Variants in MFSD2B observed in about 807,000 individuals in gnomAD.
MFSD2B encodes sphingosine-1-phosphate transporter MFSD2B.
A neutral mutation model predicts 58.4 loss-of-function variants in MFSD2B; 56 were observed. That is an observed-to-expected ratio of 0.96 (90% CI 0.77 to 1.20). The LOEUF is 1.20. Ranked by LOEUF, MFSD2B falls within the 50% of genes most tolerant of loss-of-function variation. The pLI is 0.00. For missense variants in MFSD2B, 645 were observed against 667.6 expected (o/e 0.97, Z 0.37); for synonymous variants, 287 against 294.4 (o/e 0.97, Z 0.26).
Position 24,023,959 on chromosome 2 carries a change from A to C in MFSD2B, c.1314-136A>C. On this transcript the variant is annotated intron_variant, in intron 12 of 13. Transcript: ENST00000338315. This position sits in a 1 kb window ranked among gnomAD's most constrained non-coding sequence, Gnocchi z 5.0. ...TCCCAGGTCAGCCTGTCACCTTGAC[A>C]CTCCTCTCCTGATCTGACCAGGAAA... The C allele has an allele frequency of 1.0e-6, 1 of 991,146 alleles. No individual in the cohort carries two copies. The allele number at this position is 991,146 out of a possible 1,614,324, so 61.4% of individuals were successfully genotyped here. A position where few individuals can be genotyped will look rare whatever the true frequency, so the allele number is the denominator to read the frequency against.
chr2:24,023,695 T>G lies in MFSD2B; in HGVS notation c.1282T>G (p.Cys428Gly). The change falls in exon 12 of 14, where the codon TGT (cysteine) becomes GGT (glycine). Residue 428 changes from cysteine (C) to glycine (G), a missense_variant. By Grantham distance (159) the Cys-to-Gly change is radical (BLOSUM62 -3). Coordinates refer to ENST00000338315, the MANE Select transcript of MFSD2B (RefSeq NM_001346880.2). This position sits in a 1 kb window ranked among gnomAD's most constrained non-coding sequence, Gnocchi z 5.0. Reference protein sequence around the residue: ...YVFFTKLSGACALGISTLSLE... With the variant: ...YVFFTKLSGAGALGISTLSLE... ...CTTCTTCACCAAGCTGTCTGGCGCATGTGCCCTGGGCATCTCCACCCTCAG... is the reference window on the plus strand; with the variant it reads ...CTTCTTCACCAAGCTGTCTGGCGCAGGTGCCCTGGGCATCTCCACCCTCAG... 1.2e-6 allele frequency: 2 copies of G among 1,613,916 alleles called. No homozygotes were observed. The highest frequency in any genetic ancestry group is 1.7e-6 in the Non-Finnish European group (2 of 1,179,824).
chr2:24,020,644 C>T lies in MFSD2B; in HGVS notation c.682-1004C>T, dbSNP rs1485739442. 3.3e-5 allele frequency among the ~76,000 whole-genome samples: 5 copies of T among 152,194 alleles called. No homozygotes were observed. Among genetic ancestry groups the T allele is most frequent in the Non-Finnish European group, 4.4e-5 (3 of 68,028 alleles). On this transcript the variant is annotated intron_variant, in intron 6 of 13. Coordinates refer to ENST00000338315, the MANE Select transcript of MFSD2B (RefSeq NM_001346880.2). The surrounding 1 kb of genome is among the most constrained non-coding windows in gnomAD (Gnocchi z 4.1). ...GTGCAATCACAGCTCACAGCAACCT[C>T]GACCTCCCAGACTCAAGCGATTCTG...
chr2:24,015,616 C>A (rs986973483), intron 2 of MFSD2B, among the ~76,000 whole-genome samples: 1 of 152,166 alleles, frequency 6.6e-6, no homozygotes. Context: ...TGGGATGCTG[C>A]GATTTCAGAT....
In MFSD2B at chr2:24,023,065, T is replaced by C; in HGVS notation, c.1060-65T>C. ...GGCATGGGGGTCGTCAGTCGAGTCG[T>C]GTGTGAAGGAGCAGGCCCCACGAAG... On this transcript the variant is annotated intron_variant, in intron 10 of 13. Transcript: ENST00000338315. This position sits in a 1 kb window ranked among gnomAD's most constrained non-coding sequence, Gnocchi z 5.0. 1 of 1,425,946 alleles carries C rather than the reference T, an allele frequency of 7.0e-7. No individual in the cohort carries two copies. Among genetic ancestry groups the C allele is most frequent in the South Asian group, 1.1e-5 (1 of 87,074 alleles). 88.3% of individuals were successfully genotyped at this position (1,425,946 alleles called of 1,614,324 possible). A position where few individuals can be genotyped will look rare whatever the true frequency, so the allele number is the denominator to read the frequency against.
In MFSD2B at chr2:24,013,292, G is replaced by C. The variant is rs552297631; in HGVS notation, c.104G>C (p.Arg35Thr). The C allele has an allele frequency of 3.7e-6, 6 of 1,602,868 alleles. No individual in the cohort carries two copies. In the East Asian group the frequency reaches 1.1e-4, roughly 30 times the overall value. ...GSAKRGREDSRAGRLSFCTKV... is the reference protein window; with the variant it reads ...GSAKRGREDSTAGRLSFCTKV... ...TTCCTGTGTCTCCTCCAGGACAGCA[G>C]AGCCGGTCGCCTCTCATTCTGTACA... is the stretch of plus-strand genomic sequence containing the variant. The change falls in exon 2 of 14, where the codon AGA becomes ACA. Residue 35 changes from arginine to threonine, a missense_variant. Arg to Thr is a moderately conservative substitution (Grantham distance 71). Coordinates refer to ENST00000338315, the MANE Select transcript of MFSD2B (RefSeq NM_001346880.2).
At chr2:24,018,717 G>GA (rs550408376) in intron 6 of MFSD2B, 3,971 of 147,850 alleles carry the variant, frequency 0.027, 17 homozygotes, top group East Asian at 0.074. Flanking sequence ...TCCTTTTCTG[G>GA]AAAAAAAAAA....
Position 24,021,724 on chromosome 2 carries a change from T to C in MFSD2B, c.758T>C (p.Val253Ala). Residue 253 changes from valine (V) to alanine (A), a missense_variant, in exon 7 of 14, where the codon GTG becomes GCG. By Grantham distance (64) the Val-to-Ala change is moderately conservative. Transcript: ENST00000338315. The surrounding 1 kb of genome is among the most constrained non-coding windows in gnomAD (Gnocchi z 5.7). ...PVCISLLCLG[V>A]KERPDPSAPA... is the part of the protein sequence containing the mutation. Reference sequence around the variant, plus strand: ...TGCATCAGTTTACTGTGCCTAGGGGTGAAGGAGCGGCCAGGTATGGGGTTT... The same window carrying C: ...TGCATCAGTTTACTGTGCCTAGGGGCGAAGGAGCGGCCAGGTATGGGGTTT... The C allele has an allele frequency of 6.2e-7, 1 of 1,613,406 alleles. No homozygotes were observed. The highest frequency in any genetic ancestry group is 8.5e-7 in the Non-Finnish European group (1 of 1,179,652).
At chr2:24,019,491 G>A (rs1662676525) in intron 6 of MFSD2B, among the ~76,000 whole-genome samples, 1 of 152,124 alleles carries the variant, frequency 6.6e-6, no homozygotes, top group Non-Finnish European at 1.5e-5. Context: ...GAGGGGCCGA[G>A]GTGGGTGGAT....
Position 24,020,107 on chromosome 2 carries a change from G to C in MFSD2B, c.682-1541G>C, listed in dbSNP as rs532913082. 6.6e-6 allele frequency among the ~76,000 whole-genome samples: 1 copy of C among 152,310 alleles called. No homozygotes were observed. The highest frequency in any genetic ancestry group is 2.4e-5 in the African/African-American group (1 of 41,564). On this transcript the variant is annotated intron_variant, in intron 6 of 13. Coordinates refer to ENST00000338315, the MANE Select transcript of MFSD2B (RefSeq NM_001346880.2). This position sits in a 1 kb window ranked among gnomAD's most constrained non-coding sequence, Gnocchi z 4.1. Reference sequence around the variant, plus strand: ...CCTGGTGAGGGGGCCTGGGGTGGTGGAGGCTAGGTCACTTGGGGCCCTGAG... The same window carrying C: ...CCTGGTGAGGGGGCCTGGGGTGGTGCAGGCTAGGTCACTTGGGGCCCTGAG...
intron 2 of MFSD2B, among the ~76,000 whole-genome samples, chr2:24,013,838 CTTTTTTT>C (rs758336674): frequency 1.8e-5 from 2 of 110,624 alleles, no homozygotes; most frequent in East Asian, 2.5e-4. Context: ...CAAGACGATT[CTTTTTTT>C]TTTTTTTTTT....
In MFSD2B at chr2:24,017,898, G is replaced by T. The variant is rs1709218729; in HGVS notation, c.681+310G>T. ...TGGGGAAAGCCGCAGGACAGGCTAG[G>T]GGAGGGGGCAGCAGAGGGGTCTGCT... On this transcript the variant is annotated intron_variant, in intron 6 of 13. Transcript: ENST00000338315. This position sits in a 1 kb window ranked among gnomAD's most constrained non-coding sequence, Gnocchi z 4.8. Among the ~76,000 whole-genome samples the T allele has an allele frequency of 6.6e-6, 1 of 152,124 alleles. No homozygotes were observed. Among genetic ancestry groups the T allele is most frequent in the African/African-American group, 2.4e-5 (1 of 41,414 alleles).
rs939432279 is a variant in MFSD2B, at chr2:24,022,229, G to A, written c.895-204G>A. 3.3e-5 allele frequency among the ~76,000 whole-genome samples: 5 copies of A among 152,188 alleles called. No homozygotes were observed. In the South Asian group the frequency reaches 1.0e-3, roughly 31 times the overall value. ...GTGTAGTCAAGTCCACCTGATCACA[G>A]CTGAGCAGGTGATGAGGGTGGCCTA... On this transcript the variant is annotated intron_variant, in intron 8 of 13. Coordinates refer to ENST00000338315, the MANE Select transcript of MFSD2B (RefSeq NM_001346880.2). This position sits in a 1 kb window ranked among gnomAD's most constrained non-coding sequence, Gnocchi z 4.5.
At chr2:24,016,001 A>G (rs1305021937) in intron 2 of MFSD2B, among the ~76,000 whole-genome samples, 155 bp from the exon 3 acceptor site, 1 of 152,136 alleles carries the variant, frequency 6.6e-6, no homozygotes, top group Non-Finnish European at 1.5e-5. Flanking sequence ...CAGCCCCGGG[A>G]TCAGCATCCT....
intron 1 of MFSD2B, among the ~76,000 whole-genome samples, chr2:24,010,695 C>T (rs1437028569): frequency 1.3e-5 from 2 of 152,166 alleles, no homozygotes; most frequent in African/African-American, 2.4e-5. Context: ...GTGGGAGCGG[C>T]GGGGTCTTCG....
At chr2:24,014,335 G>T (rs991425647) in intron 2 of MFSD2B, among the ~76,000 whole-genome samples, 1 of 152,030 alleles carries the variant, frequency 6.6e-6, no homozygotes, top group African/African-American at 2.4e-5. Flanking sequence ...TGTGTTTTTA[G>T]TAGAGACGGG....
In MFSD2B at chr2:24,023,719, A is replaced by C. The variant is rs1245582552; in HGVS notation, c.1306A>C (p.Ser436Arg). 1 of 1,613,720 alleles carries C rather than the reference A, an allele frequency of 6.2e-7. No homozygotes were observed. The highest frequency in any genetic ancestry group is 1.3e-5 in the African/African-American group (1 of 74,926). The change falls in exon 12 of 14, where the codon AGT (serine) becomes CGT (arginine). Residue 436 changes from serine to arginine, a missense_variant. Coordinates refer to ENST00000338315, the MANE Select transcript of MFSD2B (RefSeq NM_001346880.2). The surrounding 1 kb of genome is among the most constrained non-coding windows in gnomAD (Gnocchi z 5.0). ...GACALGISTLSLEFSGYKAGV... is the reference protein window; with the variant it reads ...GACALGISTLRLEFSGYKAGV... The stretch of plus-strand genomic sequence containing the variant: ...ATGTGCCCTGGGCATCTCCACCCTC[A>C]GTCTGGAGTGAGTCCCAGGGTTAGG...
At position 24,024,022 on chromosome 2, in the gene MFSD2B, GGTGTCGA is replaced by G; in HGVS notation, c.1314-70_1314-64del. The G allele has an allele frequency of 6.8e-7, 1 of 1,466,134 alleles. No homozygotes were observed. Among genetic ancestry groups the G allele is most frequent in the Non-Finnish European group, 9.4e-7 (1 of 1,063,654 alleles). 90.8% of individuals were successfully genotyped at this position (1,466,134 alleles called of 1,614,324 possible). A position where few individuals can be genotyped will look rare whatever the true frequency, so the allele number is the denominator to read the frequency against. ...TTCAGGAGGGGGTGGGGTGGGGTGA[GGTGTCGA>G]GTCCCTCCACCCAGGGTGCCAGGCT... On this transcript the variant is annotated intron_variant, in intron 12 of 13. Transcript: ENST00000338315. The surrounding 1 kb of genome is among the most constrained non-coding windows in gnomAD (Gnocchi z 4.3).
chr2:24,016,541 G>A (rs1367047864), intron 3 of MFSD2B, among the ~76,000 whole-genome samples: 1 of 152,234 alleles, frequency 6.6e-6, no homozygotes, highest in Non-Finnish European at 1.5e-5. Flanking sequence ...AGTGTGGGAA[G>A]GCTGGGCTGA....
chr2:24,011,096 G>A (rs1708939046), intron 1 of MFSD2B, among the ~76,000 whole-genome samples: 1 of 152,212 alleles, frequency 6.6e-6, no homozygotes, highest in South Asian at 2.1e-4. Context: ...CAAGGAGACC[G>A]AGGTGCCCTG....
Sources: allele counts gnomAD v4.1 joint callset (sites outside exome capture counted in the v4.1 genomes callset), GRCh38; gene constraint gnomAD v4.1.1; non-coding constraint Gnocchi (gnomAD v3.1); transcripts MANE v1.5; gene names NCBI Gene and HGNC (gene_info 2026-07-23, HGNC 2026-07-21).